Variants in CD44 observed in about 807,000 individuals in gnomAD.
The protein encoded by CD44 is CD44 molecule (IN blood group), also known as CD44 antigen.
CD44 carries 49 observed loss-of-function variants against 88.8 expected under a neutral mutation model. The observed-to-expected ratio is 0.55, with a 90% CI of 0.44 to 0.70. The LOEUF is 0.70. Ranked by LOEUF, CD44 falls within the 30% of genes least tolerant of loss-of-function variation. The probability of loss-of-function intolerance (pLI) is 0.00; values close to 1 mark genes in which losing one functional copy is unlikely to be tolerated. For synonymous variants in CD44, 325 were observed against 312.3 expected, an observed-to-expected ratio of 1.04 and a Z score of -0.43; for missense variants, 883 against 913.8, an observed-to-expected ratio of 0.97 and a Z score of 0.43.
Position 35,158,770 on chromosome 11 carries a change from G to T in CD44, c.68-17805G>T, listed in dbSNP as rs79435758. 6.3e-3 allele frequency among the ~76,000 whole-genome samples: 954 copies of T among 152,332 alleles called. 6 individuals are homozygous for T. The highest frequency in any genetic ancestry group is 0.022 in the African/African-American group (918 of 41,568). The stretch of plus-strand genomic sequence containing the variant: ...GCAAGCTGACACTATGTGCATACAG[G>T]CTTCCTGGAACAACTGTTGCTGAGC... On this transcript the variant is annotated intron_variant, in intron 1 of 17. Coordinates refer to ENST00000428726, the MANE Select transcript of CD44 (RefSeq NM_000610.4).
chr11:35,186,883 A>C lies in CD44; in HGVS notation c.419A>C (p.Asp140Ala). 1 of 1,598,490 alleles carries C rather than the reference A, an allele frequency of 6.3e-7. No individual in the cohort carries two copies. The highest frequency in any genetic ancestry group is 8.6e-7 in the Non-Finnish European group (1 of 1,165,772). Residue 140 changes from aspartate to alanine, a missense_variant, in exon 4 of 18, where the codon GAT becomes GCT. By Grantham distance (126) the Asp-to-Ala change is moderately radical (BLOSUM62 -2). This residue lies in a region of CD44 where 252 missense variants were observed against 322.9 expected (regional missense o/e 0.78). Coordinates refer to ENST00000428726, the MANE Select transcript of CD44 (RefSeq NM_000610.4). ...TSVTDLPNAF[D>A]GPITITIVNR... is the part of the protein sequence containing the mutation. Reference sequence around the variant, plus strand: ...GTCACAGACCTGCCCAATGCCTTTGATGGACCAATTACCATAAGTATGTCT... The same window carrying C: ...GTCACAGACCTGCCCAATGCCTTTGCTGGACCAATTACCATAAGTATGTCT...
rs1201643998 is a variant in CD44 at position 35,230,339 on chromosome 11, G to A, written c.*1006G>A. On this transcript the variant is annotated 3_prime_UTR_variant, in exon 18 of 18. Coordinates refer to ENST00000428726, the MANE Select transcript of CD44 (RefSeq NM_000610.4). ...TGGCCACCTGTTCTCTCCTGTGAAA[G>A]GCTTTGCAAAGTCACATTAAGTTTG... The A allele has an allele frequency of 6.6e-6, 1 of 152,074 alleles. No individual in the cohort carries two copies. The highest frequency in any genetic ancestry group is 1.9e-4 in the East Asian group (1 of 5,188). 9.4% of individuals were successfully genotyped at this position (152,074 alleles called of 1,614,324 possible).
At chr11:35,180,162 C>T in intron 2 of CD44, 112 bp from the exon 3 acceptor site, 1 of 1,073,610 alleles carries the variant, frequency 9.3e-7, no homozygotes, top group East Asian at 2.4e-5. Context: ...TCCGATATCC[C>T]TAGGGGTGAA....
intron 2 of CD44, chr11:35,177,078 A>C: frequency 4.8e-6 from 1 of 209,204 alleles, no homozygotes; most frequent in East Asian, 1.2e-4. Context: ...CATAAACCAA[A>C]TAACAGTGTT....
chr11:35,198,731 C>T (rs553634987), intron 7 of CD44, among the ~76,000 whole-genome samples: 1 of 152,120 alleles, frequency 6.6e-6, no homozygotes, highest in Non-Finnish European at 1.5e-5. Context: ...GTAATCCCAG[C>T]ACCCTGGGAG....
chr11:35,219,807 GC>G (rs1383570810), intron 16 of CD44, among the ~76,000 whole-genome samples: 2 of 152,218 alleles, frequency 1.3e-5, no homozygotes, highest in African/African-American at 4.8e-5. Context: ...ACAGGGAGGA[GC>G]TACAAGAGGC....
intron 14 of CD44, 39 bp downstream of exon 14, chr11:35,211,488 T>C (rs1323635279): frequency 1.4e-6 from 2 of 1,453,728 alleles, no homozygotes; most frequent in Non-Finnish European, 1.9e-6. Context: ...TTTCTCTATA[T>C]AGAGAAACAA....
At chr11:35,190,382 T>C in intron 5 of CD44, 1 of 364,304 alleles carries the variant, frequency 2.7e-6, no homozygotes, top group Non-Finnish European at 5.0e-6. Flanking sequence ...AAGCCTGATA[T>C]GAAAACTGTT....
Position 35,206,222 on chromosome 11 carries a change from C to A in CD44, c.1393C>A (p.His465Asn). 1 of 1,609,658 alleles carries A rather than the reference C, an allele frequency of 6.2e-7. No individual in the cohort carries two copies. Reference sequence around the variant, plus strand: ...AATCTCACACCCCATGGGACGAGGTCATCAAGCAGGAAGAAGGATGGGTAA... The same window carrying A: ...AATCTCACACCCCATGGGACGAGGTAATCAAGCAGGAAGAAGGATGGGTAA... ...NPISHPMGRGHQAGRRMDMDS... is the reference protein window; with the variant it reads ...NPISHPMGRGNQAGRRMDMDS... The change falls in exon 11 of 18, where the codon CAT becomes AAT. Residue 465 changes from histidine (H) to asparagine (N), a missense_variant. By Grantham distance (68) the His-to-Asn change is moderately conservative (BLOSUM62 1). Transcript: ENST00000428726.
At chr11:35,226,665 T>C (rs975567213) in intron 17 of CD44, among the ~76,000 whole-genome samples, 1 of 152,078 alleles carries the variant, frequency 6.6e-6, no homozygotes, top group Admixed American at 6.6e-5. Context: ...TCCTTACCCC[T>C]CATAAGAGCA....
Position 35,176,854 on chromosome 11 carries a change from C to A in CD44, c.233+114C>A, listed in dbSNP as rs1181735383. 18 of 990,318 alleles carry A rather than the reference C, an allele frequency of 1.8e-5. No homozygotes were observed. In the African/African-American group the frequency reaches 2.5e-4, roughly 14 times the overall value. 61.3% of individuals were successfully genotyped at this position (990,318 alleles called of 1,614,324 possible). On this transcript the variant is annotated intron_variant, in intron 2 of 17. Coordinates refer to ENST00000428726, the MANE Select transcript of CD44 (RefSeq NM_000610.4). Reference sequence around the variant, plus strand: ...CTGAATGGATTATTGCCTAAGGAGTCAACCCCACGTATTAATTTGGCCAAG... The same window carrying A: ...CTGAATGGATTATTGCCTAAGGAGTAAACCCCACGTATTAATTTGGCCAAG...
Position 35,189,896 on chromosome 11 carries a change from A to G in CD44, c.498A>G (p.Glu166=). 1 of 1,614,162 alleles carries G rather than the reference A, an allele frequency of 6.2e-7. No homozygotes were observed. The highest frequency in any genetic ancestry group is 1.7e-5 in the Admixed American group (1 of 60,006). Residue 166 remains glutamate, a synonymous_variant, in exon 5 of 18, where the codon GAA becomes GAG. Transcript: ENST00000428726. ...AAGGAGAATACAGAACGAATCCTGA[A>G]GACATCTACCCCAGCAACCCTACTG... The part of the protein sequence containing the change: ...VQKGEYRTNP[E]DIYPSNPTDD...
At chr11:35,186,970 G>A in intron 4 of CD44, 70 bp downstream of exon 4, 1 of 938,038 alleles carries the variant, frequency 1.1e-6, no homozygotes, top group Non-Finnish European at 1.8e-6. Flanking sequence ...GTTCTCTGTG[G>A]TATATTTGAA....
At chr11:35,188,584 T>C (rs1446011043) in intron 4 of CD44, among the ~76,000 whole-genome samples, 1 of 152,204 alleles carries the variant, frequency 6.6e-6, no homozygotes, top group Non-Finnish European at 1.5e-5. Flanking sequence ...AATCCTCACC[T>C]GCAGAGATTA....
chr11:35,148,997 T>C (rs74982386), intron 1 of CD44, among the ~76,000 whole-genome samples: 8,486 of 152,280 alleles, frequency 0.056, 321 homozygotes, highest in Admixed American at 0.12. Flanking sequence ...TCTAAAGAGA[T>C]CTTTCTTGAG....
intron 1 of CD44, among the ~76,000 whole-genome samples, chr11:35,174,559 T>C (rs912408026): frequency 3.9e-5 from 6 of 152,212 alleles, no homozygotes; most frequent in Admixed American, 3.3e-4. Context: ...AATTACAGCC[T>C]TTGAAGTCTT....
chr11:35,180,518 C>G, intron 3 of CD44, 111 bp downstream of exon 3: 14 of 1,171,824 alleles, frequency 1.2e-5, no homozygotes, highest in Non-Finnish European at 1.8e-5. Flanking sequence ...CAAATGCTCA[C>G]TGAATATCTG....
intron 11 of CD44, among the ~76,000 whole-genome samples, chr11:35,207,402 C>A (rs573173164): frequency 2.3e-4 from 35 of 152,330 alleles, no homozygotes; most frequent in East Asian, 1.9e-4. Context: ...CTCTGTTTCA[C>A]TCAAGACTTC....
At chr11:35,189,304 A>G (rs1394455673) in intron 4 of CD44, among the ~76,000 whole-genome samples, 5 of 152,208 alleles carry the variant, frequency 3.3e-5, no homozygotes. Context: ...TGCCCCTTAA[A>G]AAAGAAAATC....
Sources: gnomAD v4.1 joint callset for allele counts (sites outside exome capture counted in the v4.1 genomes callset) on GRCh38, gnomAD v4.1.1 for gene constraint, gnomAD v4.1.1 regional missense constraint, MANE v1.5 for transcripts, NCBI Gene and HGNC (gene_info 2026-07-23, HGNC 2026-07-21) for gene names.